UBE2B: variants seen among roughly 807,000 people sequenced by gnomAD.
UBE2B encodes the protein ubiquitin-conjugating enzyme E2 B.
UBE2B carries 11 observed loss-of-function variants against 24.6 expected under a neutral mutation model. The ratio of observed to expected loss-of-function variants is 0.45; its 90% CI spans 0.28 to 0.74. The LOEUF is 0.74. Among genes scored for constraint, UBE2B ranks in the 30% least tolerant of loss-of-function variants. The probability of loss-of-function intolerance (pLI) is 0.13; values close to 1 mark genes in which losing one functional copy is unlikely to be tolerated. For synonymous variants in UBE2B, 68 were observed against 62.4 expected, an observed-to-expected ratio of 1.09 and a Z score of -0.42; for missense variants, 78 against 185.6, an observed-to-expected ratio of 0.42 and a Z score of 3.37.
rs1046805981 is a variant in UBE2B at position 134,391,646 on chromosome 5, T to C, written c.*1293T>C. ...CAATATCTACAGCTTCTATTCATTA[T>C]GCAACGTTTAACATTGATTGGATAA... On this transcript the variant is annotated 3_prime_UTR_variant, in exon 6 of 6. Coordinates refer to ENST00000265339, the MANE Select transcript of UBE2B (RefSeq NM_003337.4). The C allele has an allele frequency of 1.3e-5, 2 of 152,584 alleles. No individual in the cohort carries two copies. The highest frequency in any genetic ancestry group is 4.8e-5 in the African/African-American group (2 of 41,460). The allele number at this position is 152,584 out of a possible 1,614,324, so 9.5% of individuals were successfully genotyped here. A position where few individuals can be genotyped will look rare whatever the true frequency, so the allele number is the denominator to read the frequency against.
intron 4 of UBE2B, among the ~76,000 whole-genome samples, chr5:134,383,474 T>TA (rs1417606924): frequency 0.013 from 1,075 of 84,406 alleles, 67 homozygotes; most frequent in African/African-American, 0.048. Flanking sequence ...CATACCCAGC[T>TA]TTTTTTTTTT....
At chr5:134,377,573 T>A (rs1758629868) in intron 3 of UBE2B, among the ~76,000 whole-genome samples, 1 of 152,204 alleles carries the variant, frequency 6.6e-6, no homozygotes, top group Admixed American at 6.5e-5. Context: ...TGTGTCTATG[T>A]TAAAGGGTTA....
At position 134,390,402 on chromosome 5, in the gene UBE2B, C is replaced by T. The variant is rs769873821; in HGVS notation, c.*49C>T. On this transcript the variant is annotated 3_prime_UTR_variant, in exon 6 of 6. Transcript: ENST00000265339. The surrounding 1 kb of genome is among the most constrained non-coding windows in gnomAD (Gnocchi z 4.6). ...TTTCATCATTGTTGTGTATAATTTA[C>T]CTCTCATTAGAAAGGCTAACAAATT... The T allele has an allele frequency of 5.0e-6, 8 of 1,610,064 alleles. No individual in the cohort carries two copies. The highest frequency in any genetic ancestry group is 6.8e-6 in the Non-Finnish European group (8 of 1,177,694).
At chr5:134,376,348 A>AAAATATATATATATATATATATATAT (rs1554114145) in intron 2 of UBE2B, among the ~76,000 whole-genome samples, 3 of 4,772 alleles carry the variant, frequency 6.3e-4, no homozygotes, top group Admixed American at 4.3e-3. Flanking sequence ...AAAAAAAAAA[A>AAAATATATATATATATATATATATAT]ATATATATAT....
At chr5:134,374,637 T>C (rs1177561678) in intron 2 of UBE2B, 174 bp downstream of exon 2, 1 of 707,020 alleles carries the variant, frequency 1.4e-6, no homozygotes, top group Admixed American at 2.5e-5. Context: ...CCCAGCACAG[T>C]AGTAGCTCAA....
chr5:134,389,868 A>G (rs972594808), intron 5 of UBE2B: 1 of 295,164 alleles, frequency 3.4e-6, no homozygotes, highest in African/African-American at 2.2e-5. Context: ...TTTAATAGAA[A>G]CAGGGTCTCC....
At chr5:134,381,289 T>C (rs1404086823) in intron 4 of UBE2B, among the ~76,000 whole-genome samples, 3 of 152,142 alleles carry the variant, frequency 2.0e-5, no homozygotes, top group Non-Finnish European at 4.4e-5. Context: ...AAAGTTATAC[T>C]CTGTCACCCC....
At chr5:134,385,347 A>AGT (rs1758782448) in intron 4 of UBE2B, among the ~76,000 whole-genome samples, 1 of 152,190 alleles carries the variant, frequency 6.6e-6, no homozygotes, top group South Asian at 2.1e-4. Flanking sequence ...AGGATTGCCC[A>AGT]GTGTGTGTGT....
In UBE2B at chr5:134,390,416, G is replaced by A. The variant is rs991930350; in HGVS notation, c.*63G>A. On this transcript the variant is annotated 3_prime_UTR_variant, in exon 6 of 6. Coordinates refer to ENST00000265339, the MANE Select transcript of UBE2B (RefSeq NM_003337.4). The surrounding 1 kb of genome is among the most constrained non-coding windows in gnomAD (Gnocchi z 4.6). ...TGTATAATTTACCTCTCATTAGAAA[G>A]GCTAACAAATTTTAAGTGCCACAGG... The A allele has an allele frequency of 9.8e-5, 157 of 1,604,626 alleles. No homozygotes were observed. In the Admixed American group the frequency reaches 2.6e-3, roughly 27 times the overall value.
chr5:134,391,289 A>G lies in UBE2B; in HGVS notation c.*936A>G, dbSNP rs1758892604. ...ATCTTGGTGTAACTTAAATATTTGA[A>G]AATTACCTTTAATGCAATGCATATC... is the stretch of plus-strand genomic sequence containing the variant. On this transcript the variant is annotated 3_prime_UTR_variant, in exon 6 of 6. Coordinates refer to ENST00000265339, the MANE Select transcript of UBE2B (RefSeq NM_003337.4). The G allele has an allele frequency of 6.6e-6, 1 of 152,394 alleles. No individual in the cohort carries two copies. The highest frequency in any genetic ancestry group is 1.5e-5 in the Non-Finnish European group (1 of 68,026). The allele number at this position is 152,394 out of a possible 1,614,324, so 9.4% of individuals were successfully genotyped here.
intron 4 of UBE2B, 105 bp downstream of exon 4, chr5:134,380,913 G>C: frequency 1.5e-6 from 1 of 668,908 alleles, no homozygotes; most frequent in Non-Finnish European, 2.7e-6. Flanking sequence ...TCACTTGTAG[G>C]TGTTGCTTCC....
Position 134,380,713 on chromosome 5 carries a change from C to G in UBE2B, c.152-6C>G, listed in dbSNP as rs781758108. 2 of 1,487,182 alleles carry G rather than the reference C, an allele frequency of 1.3e-6. No individual in the cohort carries two copies. Among genetic ancestry groups the G allele is most frequent in the Non-Finnish European group, 1.9e-6 (2 of 1,066,888 alleles). 92.1% of individuals were successfully genotyped at this position (1,487,182 alleles called of 1,614,324 possible). On this transcript the variant is annotated splice_region_variant and splice_polypyrimidine_tract_variant and intron_variant, in intron 3 of 5. Transcript: ENST00000265339. ...CTTTACTATAATTATTTTGTTTTCT[C>G]TCTAGGTACTTTTAAACTAGTAATA...
intron 3 of UBE2B, among the ~76,000 whole-genome samples, chr5:134,380,022 T>C (rs1758683883): frequency 6.6e-6 from 1 of 151,778 alleles, no homozygotes. Flanking sequence ...TTCAAGCAAT[T>C]CTCTTGCCTC....
In UBE2B at chr5:134,380,597, G is replaced by A. The variant is rs1051047681; in HGVS notation, c.152-122G>A. Reference sequence around the variant, plus strand: ...GTATATTTAGGATGTTTTGTATGCCGAACCAACGTTGACATACTAACTTTT... The same window carrying A: ...GTATATTTAGGATGTTTTGTATGCCAAACCAACGTTGACATACTAACTTTT... On this transcript the variant is annotated intron_variant, in intron 3 of 5. Transcript: ENST00000265339. 1.8e-5 allele frequency: 12 copies of A among 649,018 alleles called. 1 individual carries two copies. The highest frequency in any genetic ancestry group is 4.9e-5 in the Admixed American group (2 of 41,062). The allele number at this position is 649,018 out of a possible 1,614,324, so 40.2% of individuals were successfully genotyped here.
At chr5:134,384,840 C>CT (rs1378235320) in intron 4 of UBE2B, among the ~76,000 whole-genome samples, 1 of 151,856 alleles carries the variant, frequency 6.6e-6, no homozygotes. Context: ...GCAGTCAACT[C>CT]TGTTTGTCTT....
At chr5:134,377,600 C>G (rs1333002380) in intron 3 of UBE2B, among the ~76,000 whole-genome samples, 1 of 152,048 alleles carries the variant, frequency 6.6e-6, no homozygotes, top group African/African-American at 2.4e-5. Context: ...AAACTGTTAC[C>G]AGTGATTATC....
chr5:134,377,626 G>T (rs761355548), intron 3 of UBE2B, among the ~76,000 whole-genome samples: 10 of 152,138 alleles, frequency 6.6e-5, no homozygotes, highest in Non-Finnish European at 1.5e-4. Flanking sequence ...GGGGGGTAAG[G>T]AGTTGAAGGA....
At position 134,390,160 on chromosome 5, in the gene UBE2B, T is replaced by C; in HGVS notation, c.331-65T>C. 1 of 1,593,158 alleles carries C rather than the reference T, an allele frequency of 6.3e-7. No homozygotes were observed. The highest frequency in any genetic ancestry group is 1.1e-5 in the South Asian group (1 of 90,268). On this transcript the variant is annotated intron_variant, in intron 5 of 5. Transcript: ENST00000265339. This position sits in a 1 kb window ranked among gnomAD's most constrained non-coding sequence, Gnocchi z 4.6. Reference sequence around the variant, plus strand: ...TATAACTTTTCTGTAATATATTCCATATCTGACCCCTGTTGGTATAAAGAA... The same window carrying C: ...TATAACTTTTCTGTAATATATTCCACATCTGACCCCTGTTGGTATAAAGAA...
chr5:134,390,103 C>T lies in UBE2B; in HGVS notation c.331-122C>T. 2 of 1,196,850 alleles carry T rather than the reference C, an allele frequency of 1.7e-6. No individual in the cohort carries two copies. The highest frequency in any genetic ancestry group is 2.0e-5 in the Admixed American group (1 of 50,998). 74.1% of individuals were successfully genotyped at this position (1,196,850 alleles called of 1,614,324 possible). Reference sequence around the variant, plus strand: ...AGTATTTAGACCCAAAATTATATGACATGTTAATCTCTGAAGTAATTTGTT... The same window carrying T: ...AGTATTTAGACCCAAAATTATATGATATGTTAATCTCTGAAGTAATTTGTT... On this transcript the variant is annotated intron_variant, in intron 5 of 5. Transcript: ENST00000265339. The surrounding 1 kb of genome is among the most constrained non-coding windows in gnomAD (Gnocchi z 4.6).
Sources: allele counts gnomAD v4.1 joint callset (sites outside exome capture counted in the v4.1 genomes callset), GRCh38; gene constraint gnomAD v4.1.1; non-coding constraint Gnocchi (gnomAD v3.1); transcripts MANE v1.5; gene names NCBI Gene and HGNC (gene_info 2026-07-23, HGNC 2026-07-21).